Variants in NECTIN1 observed in about 807,000 individuals in gnomAD.
The protein encoded by NECTIN1 is nectin-1.
In NECTIN1, 23 loss-of-function variants were observed where a neutral mutation model predicts 48.0. The observed-to-expected ratio is 0.48, with a 90% CI of 0.34 to 0.68. The LOEUF (loss-of-function observed/expected upper bound fraction) is 0.68. NECTIN1 is among the 30% of genes least tolerant of loss of function. The pLI is 0.01. For missense variants in NECTIN1, 591 were observed against 709.9 expected (o/e 0.83, Z 1.90); for synonymous variants, 270 against 288.9 (o/e 0.93, Z 0.66).
At position 119,665,406 on chromosome 11, in the gene NECTIN1, G is replaced by A; in HGVS notation, c.1004-109C>T. 1 of 1,458,914 alleles carries A rather than the reference G, an allele frequency of 6.9e-7. No homozygotes were observed. Among genetic ancestry groups the A allele is most frequent in the Non-Finnish European group, 9.0e-7 (1 of 1,109,092 alleles). 90.4% of individuals were successfully genotyped at this position (1,458,914 alleles called of 1,614,324 possible). A position where few individuals can be genotyped will look rare whatever the true frequency, so the allele number is the denominator to read the frequency against. ...AGAGGCCAGGAAGGACAGGCTGTCT[G>A]CACCCCAGGTTTGAGCAGCTCCAGT... On this transcript the variant is annotated intron_variant, in intron 5 of 5. Transcript: ENST00000264025. This position sits in a 1 kb window ranked among gnomAD's most constrained non-coding sequence, Gnocchi z 5.1.
chr11:119,697,078 A>T (rs1366878885), intron 1 of NECTIN1, among the ~76,000 whole-genome samples: 1 of 152,070 alleles, frequency 6.6e-6, no homozygotes, highest in African/African-American at 2.4e-5. Flanking sequence ...GCCTGCGAGC[A>T]GCTCAGGGAA....
chr11:119,728,561 C>T lies in NECTIN1; in HGVS notation c.-8G>A. On this transcript the variant is annotated 5_prime_UTR_variant, in exon 1 of 6. Coordinates refer to ENST00000264025, the MANE Select transcript of NECTIN1 (RefSeq NM_002855.5). Reference sequence around the variant, plus strand: ...AAGCCCCATCCGAGCCATCGGGGGCCGGGGGTCCGGCGAGAGGGGCGGCGA... The same window carrying T: ...AAGCCCCATCCGAGCCATCGGGGGCTGGGGGTCCGGCGAGAGGGGCGGCGA... 3 of 1,569,396 alleles carry T rather than the reference C, an allele frequency of 1.9e-6. No homozygotes were observed. The South Asian group carries it at 3.5e-5, about 18-fold the overall frequency.
chr11:119,691,937 C>G (rs764847794), intron 1 of NECTIN1, among the ~76,000 whole-genome samples: 1 of 152,200 alleles, frequency 6.6e-6, no homozygotes, highest in Non-Finnish European at 1.5e-5. Context: ...GCACATCCCT[C>G]CTCTGCCGCG....
intron 1 of NECTIN1, among the ~76,000 whole-genome samples, chr11:119,696,809 T>G (rs1471572487): frequency 6.6e-6 from 1 of 152,194 alleles, no homozygotes; most frequent in African/African-American, 2.4e-5. Flanking sequence ...AAAGCAGGAC[T>G]GCAGGCGGCA....
downstream of NECTIN1, among the ~76,000 whole-genome samples, chr11:119,658,605 T>C (rs1256856658): frequency 6.6e-6 from 1 of 152,104 alleles, no homozygotes; most frequent in East Asian, 1.9e-4. Context: ...TCCATGTCCT[T>C]CTCATTCTTC....
chr11:119,661,475 T>A lies in NECTIN1; in HGVS notation c.*3272A>T, dbSNP rs956665513. The A allele has an allele frequency of 1.0e-6, 1 of 985,462 alleles. No homozygotes were observed. The highest frequency in any genetic ancestry group is 1.8e-5 in the African/African-American group (1 of 57,084). The allele number at this position is 985,462 out of a possible 1,614,324, so 61.0% of individuals were successfully genotyped here. On this transcript the variant is annotated 3_prime_UTR_variant, in exon 6 of 6. Transcript: ENST00000264025. The stretch of plus-strand genomic sequence containing the variant: ...CCACCTGCCCCTCACTAGGAGAGGG[T>A]TTCTGTTGGCAGTCAGGCTTTGGGG...
At position 119,652,866 on chromosome 11, in the gene NECTIN1, G is replaced by A. The variant is rs182406403; in HGVS notation, c.1004-12854C>T. 3.5e-3 allele frequency among the ~76,000 whole-genome samples: 538 copies of A among 152,292 alleles called. 6 individuals carry two copies. The highest frequency in any genetic ancestry group is 0.012 in the African/African-American group (490 of 41,564). The stretch of plus-strand genomic sequence containing the variant: ...GTTTGTAGCAACTTTAATTGTCCCA[G>A]CCTGGAGACTGCTCACATCCCCACT... On this transcript the variant is annotated intron_variant, in intron 5 of 7. Coordinates refer to the NECTIN1 transcript ENST00000341398.
intron 1 of NECTIN1, among the ~76,000 whole-genome samples, chr11:119,692,779 C>A (rs146372301): frequency 5.9e-5 from 9 of 152,374 alleles, no homozygotes; most frequent in Admixed American, 5.9e-4. Context: ...GTCACACAGT[C>A]TGCAAGACTG....
At chr11:119,670,327 G>A (rs1025091379) in intron 5 of NECTIN1, among the ~76,000 whole-genome samples, 1 of 152,158 alleles carries the variant, frequency 6.6e-6, no homozygotes. Context: ...AGCTCCACAA[G>A]GATAGGGACT....
intron 5 of NECTIN1, among the ~76,000 whole-genome samples, chr11:119,671,803 T>TG (rs943655558): frequency 6.6e-6 from 1 of 152,140 alleles, no homozygotes; most frequent in African/African-American, 2.4e-5. Flanking sequence ...CTCGGCAAGC[T>TG]GGGGGAGAAC....
chr11:119,677,878 T>G lies in NECTIN1; in HGVS notation c.431-21A>C. The G allele has an allele frequency of 1.2e-6, 2 of 1,611,062 alleles. No homozygotes were observed. The highest frequency in any genetic ancestry group is 1.1e-5 in the South Asian group (1 of 91,006). ...TTTGGCTGCGAGGAAGCAGAGAGAG[T>G]GATGGGACTAGCCCTGTTGACTTGT... On this transcript the variant is annotated intron_variant, in intron 2 of 5. Coordinates refer to ENST00000264025, the MANE Select transcript of NECTIN1 (RefSeq NM_002855.5). This position sits in a 1 kb window ranked among gnomAD's most constrained non-coding sequence, Gnocchi z 5.4.
At chr11:119,728,432 G>C in intron 1 of NECTIN1, 43 bp downstream of exon 1, 1 of 1,529,530 alleles carries the variant, frequency 6.5e-7, no homozygotes, top group Non-Finnish European at 8.9e-7. Flanking sequence ...GCCCCGGGGA[G>C]GCATTGGATG....
chr11:119,712,211 C>T (rs537824925), intron 1 of NECTIN1, among the ~76,000 whole-genome samples: 1 of 152,238 alleles, frequency 6.6e-6, no homozygotes, highest in South Asian at 2.1e-4. Context: ...GCTGCGGAGG[C>T]GCTGGTTTTC....
At chr11:119,643,272 A>G (rs1367668433) in intron 5 of NECTIN1, among the ~76,000 whole-genome samples, 1 of 152,212 alleles carries the variant, frequency 6.6e-6, no homozygotes, top group Non-Finnish European at 1.5e-5. Context: ...AAATCCAAGG[A>G]GGAGAAATTG....
At chr11:119,681,268 C>T (rs1378815042) in intron 1 of NECTIN1, among the ~76,000 whole-genome samples, 3 of 152,266 alleles carry the variant, frequency 2.0e-5, no homozygotes, top group Admixed American at 1.3e-4. Context: ...GGGGAACTTG[C>T]ACCACACAAA....
chr11:119,691,397 G>T (rs1408671265), intron 1 of NECTIN1, among the ~76,000 whole-genome samples: 1 of 152,246 alleles, frequency 6.6e-6, no homozygotes. Flanking sequence ...CCCCCATCCT[G>T]AGGTGGGCGG....
intron 1 of NECTIN1, among the ~76,000 whole-genome samples, chr11:119,725,987 A>C (rs1646542384): frequency 6.6e-6 from 1 of 152,192 alleles, no homozygotes; most frequent in Non-Finnish European, 1.5e-5. Flanking sequence ...TCATCTCAGG[A>C]AACAGAGGCC....
downstream of NECTIN1, among the ~76,000 whole-genome samples, chr11:119,660,635 C>T (rs370890334): frequency 6.6e-6 from 1 of 152,076 alleles, no homozygotes; most frequent in South Asian, 2.1e-4. Context: ...GGGCAGGAGG[C>T]ACCCGTACCC....
At chr11:119,695,513 C>G (rs761980105) in intron 1 of NECTIN1, among the ~76,000 whole-genome samples, 1 of 152,152 alleles carries the variant, frequency 6.6e-6, no homozygotes, top group Non-Finnish European at 1.5e-5. Flanking sequence ...GCCTGACACC[C>G]GGCACGCAGT....
Sources: allele counts gnomAD v4.1 joint callset (sites outside exome capture counted in the v4.1 genomes callset), GRCh38; gene constraint gnomAD v4.1.1; non-coding constraint Gnocchi (gnomAD v3.1); transcripts MANE v1.5; gene names NCBI Gene and HGNC (gene_info 2026-07-23, HGNC 2026-07-21).